EXOC2: variants seen among roughly 807,000 people sequenced by gnomAD.
EXOC2 encodes SEC5-like 1.
In EXOC2, 70 loss-of-function variants were observed where a neutral mutation model predicts 131.8. The observed-to-expected ratio is 0.53, with a 90% CI of 0.44 to 0.65. EXOC2 has a LOEUF of 0.65. EXOC2 is among the 30% of genes least tolerant of loss of function. The pLI, the probability that EXOC2 is intolerant of heterozygous loss-of-function variation, is 0.00. For synonymous variants in EXOC2, 411 were observed against 398.4 expected (o/e 1.03, Z -0.38); for missense variants, 923 against 1,108.6 (o/e 0.83, Z 2.38).
intron 25 of EXOC2, among the ~76,000 whole-genome samples, chr6:493,248 ATTGT>A: frequency 6.6e-6 from 1 of 152,332 alleles, no homozygotes. Context: ...TTGGAAGGCA[ATTGT>A]TTGGTTTCAT....
At chr6:502,730 A>G (rs1186966404) in intron 23 of EXOC2, among the ~76,000 whole-genome samples, 3 of 152,202 alleles carry the variant, frequency 2.0e-5, no homozygotes, top group Non-Finnish European at 4.4e-5. Context: ...TCACATGGAT[A>G]ATATAAGGAG....
At chr6:528,243 C>A (rs1765862908) in intron 23 of EXOC2, among the ~76,000 whole-genome samples, 1 of 151,686 alleles carries the variant, frequency 6.6e-6, no homozygotes, top group Admixed American at 6.6e-5. Flanking sequence ...CATACAGTAT[C>A]GGAAACTAAA....
At chr6:565,425 T>C (rs1230531970) in intron 13 of EXOC2, among the ~76,000 whole-genome samples, 1 of 152,222 alleles carries the variant, frequency 6.6e-6, no homozygotes, top group African/African-American at 2.4e-5. Flanking sequence ...CTAGAATTAA[T>C]TTTTGTTTGT....
intron 1 of EXOC2, among the ~76,000 whole-genome samples, chr6:655,029 G>A (rs926163095): frequency 6.6e-6 from 1 of 152,142 alleles, no homozygotes; most frequent in Non-Finnish European, 1.5e-5. Flanking sequence ...AAACTTGGTT[G>A]ATAAACCAGT....
At chr6:583,095 G>A (rs578220744) in intron 11 of EXOC2, among the ~76,000 whole-genome samples, 1 of 152,298 alleles carries the variant, frequency 6.6e-6, no homozygotes, top group South Asian at 2.1e-4. Flanking sequence ...GTATGTTTTT[G>A]TCAAAGTCCT....
intron 10 of EXOC2, among the ~76,000 whole-genome samples, chr6:595,323 A>C (rs914301304): frequency 6.6e-6 from 1 of 152,074 alleles, no homozygotes; most frequent in Non-Finnish European, 1.5e-5. Flanking sequence ...TGATGCTCAT[A>C]AATTTCAAAG....
At chr6:641,413 G>A (rs552326373) in intron 1 of EXOC2, among the ~76,000 whole-genome samples, 2 of 152,278 alleles carry the variant, frequency 1.3e-5, no homozygotes, top group Admixed American at 6.5e-5. Flanking sequence ...TATAGGCCAA[G>A]ATGACTCAAC....
intron 22 of EXOC2, among the ~76,000 whole-genome samples, chr6:543,632 T>C (rs564796364): frequency 7.9e-5 from 12 of 152,348 alleles, no homozygotes; most frequent in African/African-American, 2.4e-4. Context: ...TTTTCTATAA[T>C]GTATGCTTAG....
At chr6:617,622 C>G in intron 6 of EXOC2, 89 bp downstream of exon 6, 1 of 1,455,510 alleles carries the variant, frequency 6.9e-7, no homozygotes, top group East Asian at 2.4e-5. Context: ...TAAAAACAGA[C>G]CGAGTGTCAC....
chr6:647,474 C>T (rs760731150), intron 1 of EXOC2, among the ~76,000 whole-genome samples: 2 of 149,336 alleles, frequency 1.3e-5, no homozygotes, highest in African/African-American at 2.5e-5. Flanking sequence ...CCTAGAGATG[C>T]TGAGTGTCTT....
chr6:643,070 T>A (rs1373795862), intron 1 of EXOC2, among the ~76,000 whole-genome samples: 1 of 152,038 alleles, frequency 6.6e-6, no homozygotes, highest in Non-Finnish European at 1.5e-5. Flanking sequence ...CAGAAAGACA[T>A]AACAATCAAA....
chr6:582,926 T>C (rs1351106994), intron 11 of EXOC2, among the ~76,000 whole-genome samples: 2 of 151,098 alleles, frequency 1.3e-5, no homozygotes, highest in African/African-American at 4.9e-5. Flanking sequence ...TGCATTTCAG[T>C]ATCATTCAAA....
intron 18 of EXOC2, 55 bp from the exon 19 acceptor site, chr6:556,068 G>T: frequency 6.6e-7 from 1 of 1,514,018 alleles, no homozygotes; most frequent in Non-Finnish European, 9.2e-7. Context: ...AAAGGTTTTT[G>T]TATATGAAGT....
chr6:608,189 T>G (rs1027226476), intron 7 of EXOC2, among the ~76,000 whole-genome samples: 1 of 152,252 alleles, frequency 6.6e-6, no homozygotes, highest in African/African-American at 2.4e-5. Flanking sequence ...TCACCAGTTC[T>G]GCAGTACTGA....
rs1460818343 is a variant in EXOC2, at chr6:513,174, C to T, written c.2381-13474G>A. Among the ~76,000 whole-genome samples, 3 of 152,184 alleles carry T rather than the reference C, an allele frequency of 2.0e-5. No individual in the cohort carries two copies. In the East Asian group the frequency reaches 5.8e-4, roughly 29 times the overall value. On this transcript the variant is annotated intron_variant, in intron 23 of 27. Transcript: ENST00000230449. ...GTCACAGGCTGGAATGGAACTGGGT[C>T]ACTGCATGTGTGTTATCTTCAGTGT... is the stretch of plus-strand genomic sequence containing the variant.
At chr6:684,335 G>A (rs1764548177) in intron 1 of EXOC2, among the ~76,000 whole-genome samples, 1 of 152,202 alleles carries the variant, frequency 6.6e-6, no homozygotes, top group Non-Finnish European at 1.5e-5. Context: ...GCCTTGTGTA[G>A]TCTTGACCTG....
chr6:538,902 T>A (rs984990204), intron 22 of EXOC2, among the ~76,000 whole-genome samples: 3 of 152,020 alleles, frequency 2.0e-5, no homozygotes, highest in Non-Finnish European at 4.4e-5. Flanking sequence ...TGAAACCCTG[T>A]CTCTACTAAA....
intron 21 of EXOC2, among the ~76,000 whole-genome samples, chr6:553,389 A>ATG (rs1491292534): frequency 1.9e-5 from 1 of 52,860 alleles, no homozygotes; most frequent in East Asian, 6.9e-4. Flanking sequence ...GTTTGTGTAT[A>ATG]AGTGTGTGTG....
intron 11 of EXOC2, 33 bp from the exon 12 acceptor site, chr6:576,915 T>C (rs555751916): frequency 7.7e-5 from 123 of 1,605,268 alleles, no homozygotes; most frequent in Non-Finnish European, 1.0e-4. Context: ...ACAGAGTATA[T>C]AGCATGCTCT....
Sources: allele counts gnomAD v4.1 joint callset (sites outside exome capture counted in the v4.1 genomes callset), GRCh38; gene constraint gnomAD v4.1.1; transcripts MANE v1.5; gene names NCBI Gene and HGNC (gene_info 2026-07-23, HGNC 2026-07-21).